Variants in PIK3CG observed in about 807,000 individuals in gnomAD.
PIK3CG encodes the protein phosphatidylinositol-4,5-bisphosphate 3-kinase catalytic subunit gamma.
Under a neutral mutation model 102.3 loss-of-function variants are expected in PIK3CG, and 55 were observed. That is an observed-to-expected ratio of 0.54 (90% CI 0.43 to 0.67). The LOEUF is 0.67. Ranked by LOEUF, PIK3CG falls within the 30% of genes least tolerant of loss-of-function variation. PIK3CG has a pLI of 0.00. For missense variants in PIK3CG, 1,258 were observed against 1,391.8 expected, an observed-to-expected ratio of 0.90 and a Z score of 1.53; for synonymous variants, 552 against 540.0, an observed-to-expected ratio of 1.02 and a Z score of -0.31.
At chr7:106,882,043 A>G in intron 6 of PIK3CG, 74 bp from the exon 7 acceptor site, 1 of 558,364 alleles carries the variant, frequency 1.8e-6, no homozygotes, top group Non-Finnish European at 2.7e-6. Flanking sequence ...TATGATTGCT[A>G]TTTTTAAGGG....
chr7:106,878,220 G>A (rs1790820832), intron 5 of PIK3CG, among the ~76,000 whole-genome samples: 1 of 151,908 alleles, frequency 6.6e-6, no homozygotes, highest in African/African-American at 2.4e-5. Context: ...CATATTTTCT[G>A]ATGATGAGTC....
At position 106,897,894 on chromosome 7, in the gene PIK3CG, C is replaced by A. The variant is rs1462390924; in HGVS notation, c.3031-7215C>A. ...TGATTTCTATTCCTCTGGGTATATA[C>A]CCAGTAATGGGATTTCTGGATCAAA... On this transcript the variant is annotated intron_variant, in intron 10 of 10. Coordinates refer to ENST00000496166, the MANE Select transcript of PIK3CG (RefSeq NM_001282426.2). The surrounding 1 kb of genome is among the most constrained non-coding windows in gnomAD (Gnocchi z 4.6). Among the ~76,000 whole-genome samples, 1 of 152,160 alleles carries A rather than the reference C, an allele frequency of 6.6e-6. No individual in the cohort carries two copies. Among genetic ancestry groups the A allele is most frequent in the Non-Finnish European group, 1.5e-5 (1 of 68,032 alleles).
intron 2 of PIK3CG, among the ~76,000 whole-genome samples, chr7:106,870,434 T>C (rs1287689674): frequency 6.6e-6 from 1 of 152,210 alleles, no homozygotes; most frequent in Non-Finnish European, 1.5e-5. Flanking sequence ...GGAATTTGAA[T>C]AGAAATGCTA....
chr7:106,884,257 A>G lies in PIK3CG; in HGVS notation c.2863A>G (p.Thr955Ala). ...GDRHNDNIMI[T>A]ETGNLFHIDF... The stretch of plus-strand genomic sequence containing the variant: ...CAGACACAATGACAATATTATGATC[A>G]CCGAGACAGGTGAGTTTATTTAGTG... The change falls in exon 9 of 11, where the codon ACC becomes GCC. Residue 955 changes from threonine to alanine, a missense_variant. Thr to Ala is a moderately conservative substitution (Grantham distance 58). Around this residue, in one of 2 missense-constraint regions of PIK3CG, gnomAD observed 426 missense variants for 604.2 expected, o/e 0.71. Coordinates refer to ENST00000496166, the MANE Select transcript of PIK3CG (RefSeq NM_001282426.2). This position sits in a 1 kb window ranked among gnomAD's most constrained non-coding sequence, Gnocchi z 4.2. The G allele has an allele frequency of 6.2e-7, 1 of 1,607,646 alleles. No individual in the cohort carries two copies. The highest frequency in any genetic ancestry group is 8.5e-7 in the Non-Finnish European group (1 of 1,174,296).
Position 106,895,621 on chromosome 7 carries a change from C to G in PIK3CG, c.3030+9329C>G, listed in dbSNP as rs563378472. Reference sequence around the variant, plus strand: ...TCCCCAACTCCAACCTACCTCACCCCCTAGGCCTTTACTAAGAGACCTTGT... The same window carrying G: ...TCCCCAACTCCAACCTACCTCACCCGCTAGGCCTTTACTAAGAGACCTTGT... On this transcript the variant is annotated intron_variant, in intron 10 of 10. Coordinates refer to ENST00000496166, the MANE Select transcript of PIK3CG (RefSeq NM_001282426.2). This position sits in a 1 kb window ranked among gnomAD's most constrained non-coding sequence, Gnocchi z 5.4. Among the ~76,000 whole-genome samples the G allele has an allele frequency of 1.0e-3, 152 of 152,294 alleles. 1 individual carries two copies. Among genetic ancestry groups the G allele is most frequent in the African/African-American group, 3.3e-3 (139 of 41,568 alleles).
At chr7:106,873,169 G>A (rs1428256576) in intron 4 of PIK3CG, among the ~76,000 whole-genome samples, 1 of 152,272 alleles carries the variant, frequency 6.6e-6, no homozygotes, top group East Asian at 1.9e-4. Context: ...AAATTAAGCA[G>A]CATTATGCAG....
intron 6 of PIK3CG, among the ~76,000 whole-genome samples, chr7:106,881,200 A>C (rs893132325): frequency 2.0e-5 from 3 of 152,160 alleles, no homozygotes; most frequent in African/African-American, 7.2e-5. Context: ...TTAATCGCCA[A>C]AATTGCTGGG....
At position 106,868,057 on chromosome 7, in the gene PIK3CG, A is replaced by G. The variant is rs777578185; in HGVS notation, c.496A>G (p.Ser166Gly). Residue 166 changes from serine (S) to glycine (G), a missense_variant, in exon 2 of 11, where the codon AGC (serine) becomes GGC (glycine). By Grantham distance (56) the Ser-to-Gly change is moderately conservative. Coordinates refer to ENST00000496166, the MANE Select transcript of PIK3CG (RefSeq NM_001282426.2). The surrounding 1 kb of genome is among the most constrained non-coding windows in gnomAD (Gnocchi z 6.2). Reference sequence around the variant, plus strand: ...GATTGGCTATGACGTCACTGACGTCAGCAACGTGCACGACGATGAGCTGGA... The same window carrying G: ...GATTGGCTATGACGTCACTGACGTCGGCAACGTGCACGACGATGAGCTGGA... ...ALIGYDVTDV[S>G]NVHDDELEFT... 1 of 1,612,948 alleles carries G rather than the reference A, an allele frequency of 6.2e-7. No homozygotes were observed. The highest frequency in any genetic ancestry group is 8.5e-7 in the Non-Finnish European group (1 of 1,179,358).
chr7:106,889,880 G>A (rs1225958830), intron 10 of PIK3CG, among the ~76,000 whole-genome samples: 1 of 152,164 alleles, frequency 6.6e-6, no homozygotes, highest in African/African-American at 2.4e-5. Flanking sequence ...CAAAACCAAG[G>A]CCCAGCGTTT....
rs577280474 is a variant in PIK3CG, at chr7:106,879,268, C to G, written c.2392-251C>G. Among the ~76,000 whole-genome samples, 1 of 152,234 alleles carries G rather than the reference C, an allele frequency of 6.6e-6. No individual in the cohort carries two copies. Among genetic ancestry groups the G allele is most frequent in the East Asian group, 1.9e-4 (1 of 5,182 alleles). ...ATCTGCCATACCTCTTAGGCACTTC[C>G]AAAGACTCTTGTGGTTCTTTGGAGC... On this transcript the variant is annotated intron_variant, in intron 5 of 10. Transcript: ENST00000496166. The surrounding 1 kb of genome is among the most constrained non-coding windows in gnomAD (Gnocchi z 4.9).
chr7:106,875,796 A>C (rs1434581440), intron 5 of PIK3CG, among the ~76,000 whole-genome samples: 1 of 152,132 alleles, frequency 6.6e-6, no homozygotes, highest in African/African-American at 2.4e-5. Flanking sequence ...GTGTAATTTT[A>C]CAAGATACCA....
rs1791744462 is a variant in PIK3CG, at chr7:106,908,351, ATGAGTGGTAAATG to A, written c.*2966_*2978del. On this transcript the variant is annotated 3_prime_UTR_variant, in exon 11 of 11. Transcript: ENST00000496166. This position sits in a 1 kb window ranked among gnomAD's most constrained non-coding sequence, Gnocchi z 4.1. ...AGCACACGCGGTCTACCACGTCTGC[ATGAGTGGTAAATG>A]TAGTGCCTGGGTCAAAATGTTCCTT... Among the ~76,000 whole-genome samples the A allele has an allele frequency of 6.6e-6, 1 of 152,186 alleles. No homozygotes were observed. Among genetic ancestry groups the A allele is most frequent in the African/African-American group, 2.4e-5 (1 of 41,430 alleles).
chr7:106,898,023 T>A (rs1388162962), intron 10 of PIK3CG, among the ~76,000 whole-genome samples: 1 of 152,226 alleles, frequency 6.6e-6, no homozygotes, highest in Non-Finnish European at 1.5e-5. Context: ...TTCCTTTTTC[T>A]CCACAACCTC....
intron 10 of PIK3CG, among the ~76,000 whole-genome samples, chr7:106,900,304 A>G (rs560420258): frequency 1.3e-4 from 20 of 152,214 alleles, no homozygotes; most frequent in African/African-American, 4.6e-4. Flanking sequence ...ACCCATTACC[A>G]TTATGTAATG....
In PIK3CG at chr7:106,874,581, C is replaced by G. The variant is rs780201994; in HGVS notation, c.2288-119C>G. On this transcript the variant is annotated intron_variant, in intron 4 of 10. Transcript: ENST00000496166. This position sits in a 1 kb window ranked among gnomAD's most constrained non-coding sequence, Gnocchi z 4.3. ...GCAGGGCCCACCCACATTTCTCCTG[C>G]TCTACACCAGAACAAATATATAGAA... is the stretch of plus-strand genomic sequence containing the variant. 2.7e-6 allele frequency: 2 copies of G among 732,014 alleles called. No homozygotes were observed. The highest frequency in any genetic ancestry group is 4.5e-6 in the Non-Finnish European group (2 of 442,222). 45.3% of individuals were successfully genotyped at this position (732,014 alleles called of 1,614,324 possible). A position where few individuals can be genotyped will look rare whatever the true frequency, so the allele number is the denominator to read the frequency against.
intron 7 of PIK3CG, 181 bp from the exon 8 acceptor site, chr7:106,882,852 C>T (rs1790980889): frequency 1.9e-6 from 1 of 528,748 alleles, no homozygotes; most frequent in South Asian, 3.4e-5. Context: ...TCCATATCCT[C>T]CTTCTTTCCT....
In PIK3CG at chr7:106,874,777, C is replaced by G. The variant is rs772608579; in HGVS notation, c.2365C>G (p.Pro789Ala). Residue 789 changes from proline (P) to alanine (A), a missense_variant, in exon 5 of 11, where the codon CCT becomes GCT. This residue lies in a region of PIK3CG where 426 missense variants were observed against 604.2 expected (regional missense o/e 0.71). Coordinates refer to ENST00000496166, the MANE Select transcript of PIK3CG (RefSeq NM_001282426.2). This position sits in a 1 kb window ranked among gnomAD's most constrained non-coding sequence, Gnocchi z 4.3. ...CGAAAGCTTTAGAGTTCCATATGAT[C>G]CTGGACTGAAAGCAGGAGCGCTGGC... is the stretch of plus-strand genomic sequence containing the variant. ...LPESFRVPYD[P>A]GLKAGALAIE... 3.7e-6 allele frequency: 6 copies of G among 1,613,356 alleles called. No individual in the cohort carries two copies. The highest frequency in any genetic ancestry group is 1.6e-4 in the Middle Eastern group (1 of 6,082).
In PIK3CG at chr7:106,868,873, G is replaced by C. The variant is rs772698550; in HGVS notation, c.1312G>C (p.Ala438Pro). 9.9e-6 allele frequency: 16 copies of C among 1,614,206 alleles called. No homozygotes were observed. Among genetic ancestry groups the C allele is most frequent in the Middle Eastern group, 1.6e-4 (1 of 6,062 alleles). ...LLNLQIYCGKAPALSSKASAE... is the reference protein window; with the variant it reads ...LLNLQIYCGKPPALSSKASAE... Reference sequence around the variant, plus strand: ...GAACCTCCAGATCTACTGCGGTAAAGCTCCAGCACTGTCCAGCAAGGCCTC... The same window carrying C: ...GAACCTCCAGATCTACTGCGGTAAACCTCCAGCACTGTCCAGCAAGGCCTC... Residue 438 changes from alanine to proline, a missense_variant, in exon 2 of 11, where the codon GCT (alanine) becomes CCT (proline). Ala to Pro is a conservative substitution (Grantham distance 27, BLOSUM62 -1). Around this residue, in one of 2 missense-constraint regions of PIK3CG, gnomAD observed 832 missense variants for 787.5 expected, o/e 1.06. Transcript: ENST00000496166. The surrounding 1 kb of genome is among the most constrained non-coding windows in gnomAD (Gnocchi z 6.2).
Position 106,872,762 on chromosome 7 carries a change from C to T in PIK3CG, c.2111C>T (p.Ala704Val), listed in dbSNP as rs2116486270. ...TTTTGGTTCTTGAGAAGTGAGATAGCCCAGTCCAGACACTATCAGCAGAGG... is the reference window on the plus strand; with the variant it reads ...TTTTGGTTCTTGAGAAGTGAGATAGTCCAGTCCAGACACTATCAGCAGAGG... ...FLFWFLRSEI[A>V]QSRHYQQRFA... is the part of the protein sequence containing the mutation. Residue 704 changes from alanine (A) to valine (V), a missense_variant, in exon 4 of 11, where the codon GCC becomes GTC. Coordinates refer to ENST00000496166, the MANE Select transcript of PIK3CG (RefSeq NM_001282426.2). The surrounding 1 kb of genome is among the most constrained non-coding windows in gnomAD (Gnocchi z 5.3). 3 of 1,614,124 alleles carry T rather than the reference C, an allele frequency of 1.9e-6. No individual in the cohort carries two copies. Among genetic ancestry groups the T allele is most frequent in the South Asian group, 2.2e-5 (2 of 91,080 alleles).
Sources: allele counts gnomAD v4.1 joint callset (sites outside exome capture counted in the v4.1 genomes callset), GRCh38; gene constraint gnomAD v4.1.1; regional missense constraint gnomAD v4.1.1; non-coding constraint Gnocchi (gnomAD v3.1); transcripts MANE v1.5; gene names NCBI Gene and HGNC (gene_info 2026-07-23, HGNC 2026-07-21).